BRCA1: variants seen among roughly 807,000 people sequenced by gnomAD.
BRCA1 encodes breast cancer type 1 susceptibility protein.
A neutral mutation model predicts 173.7 loss-of-function variants in BRCA1; 140 were observed. The ratio of observed to expected loss-of-function variants is 0.81; its 90% CI spans 0.70 to 0.93. The LOEUF (loss-of-function observed/expected upper bound fraction) is 0.93. Ranked by LOEUF, BRCA1 falls within the 40% of genes least tolerant of loss-of-function variation. The pLI is 0.00. For missense variants in BRCA1, 1,983 were observed against 2,172.5 expected, an observed-to-expected ratio of 0.91 and a Z score of 1.73; for synonymous variants, 662 against 756.0, an observed-to-expected ratio of 0.88 and a Z score of 2.04.
intron 6 of BRCA1, among the ~76,000 whole-genome samples, chr17:43,100,678 AAT>A (rs56679756): frequency 0.51 from 18,359 of 35,794 alleles, 4,966 homozygotes; most frequent in Middle Eastern, 0.68. Context: ...ATATATATAT[AAT>A]ATATATATAT....
intron 7 of BRCA1, among the ~76,000 whole-genome samples, chr17:43,098,101 T>C (rs944646650): frequency 6.7e-6 from 1 of 150,220 alleles, no homozygotes; most frequent in Non-Finnish European, 1.5e-5. Context: ...CATAGCTCAC[T>C]ACAGCCTCAA....
chr17:43,091,313 G>A (rs1472000905), intron 10 of BRCA1, 122 bp downstream of exon 10: 1 of 1,306,468 alleles, frequency 7.7e-7, no homozygotes, highest in Non-Finnish European at 1.1e-6. Context: ...CATGTTTCAA[G>A]TTTAAGAAGC....
At chr17:43,142,002 C>T (rs1027928647) in intron 1 of BRCA1, among the ~76,000 whole-genome samples, 4 of 151,888 alleles carry the variant, frequency 2.6e-5, no homozygotes, top group African/African-American at 9.7e-5. Flanking sequence ...ACCTCCGTCT[C>T]CTGGGTTCAA....
At chr17:43,125,639 T>C (rs1163025121), upstream of BRCA1, 1 of 242,810 alleles carries the variant, frequency 4.1e-6, no homozygotes, top group African/African-American at 2.3e-5. Flanking sequence ...GCCTCTACTC[T>C]TCCAGTTGCG....
chr17:43,112,218 T>C (rs866340837), intron 3 of BRCA1, among the ~76,000 whole-genome samples: 1 of 152,004 alleles, frequency 6.6e-6, no homozygotes, highest in Middle Eastern at 3.4e-3. Flanking sequence ...GCCTCCTGAG[T>C]AGCTGGGACT....
chr17:43,134,757 G>C (rs1392712694), intron 1 of BRCA1, among the ~76,000 whole-genome samples: 1 of 152,246 alleles, frequency 6.6e-6, no homozygotes, highest in Non-Finnish European at 1.5e-5. Context: ...CCTGGAGAGA[G>C]AATTACTGAA....
rs3785546 is a variant in BRCA1, at chr17:43,064,916, T to C, written c.5075-965A>G. Among the ~76,000 whole-genome samples the C allele has an allele frequency of 0.31, 46,359 of 149,944 alleles. 7,554 individuals are homozygous for C. The highest frequency in any genetic ancestry group is 0.5 in the South Asian group (2,339 of 4,710). On this transcript the variant is annotated intron_variant, in intron 16 of 22. Coordinates refer to ENST00000357654, the MANE Select transcript of BRCA1 (RefSeq NM_007294.4). ...CTGGATCTCAGCTCACGGCAAGCTC[T>C]GCCTCCTGGGTTCATGCCATTCTCC...
intron 11 of BRCA1, among the ~76,000 whole-genome samples, chr17:43,086,889 G>A (rs1219862644): frequency 6.6e-6 from 1 of 152,204 alleles, no homozygotes; most frequent in Non-Finnish European, 1.5e-5. Flanking sequence ...CTCAGATACA[G>A]AGTGGGGAGT....
chr17:43,120,980 C>G (rs1235341629), intron 2 of BRCA1, among the ~76,000 whole-genome samples: 1 of 150,906 alleles, frequency 6.6e-6, no homozygotes, highest in Non-Finnish European at 1.5e-5. Flanking sequence ...AGGAGAAGCG[C>G]TTGAACTTGA....
Position 43,076,576 on chromosome 17 carries a change from T to G in BRCA1, c.4396A>C (p.Ser1466Arg). 1 of 1,613,714 alleles carries G rather than the reference T, an allele frequency of 6.2e-7. No homozygotes were observed. The highest frequency in any genetic ancestry group is 1.7e-4 in the Middle Eastern group (1 of 6,058). ...GCAGAAAGGCCTTCTGGATTCTGGCTTATAGGGTATTCACTACTTTTCTGT... is the reference window on the plus strand; with the variant it reads ...GCAGAAAGGCCTTCTGGATTCTGGCGTATAGGGTATTCACTACTTTTCTGT... ...TSQKSSEYPISQNPEGLSADK... is the reference protein window; with the variant it reads ...TSQKSSEYPIRQNPEGLSADK... Residue 1466 changes from serine (S) to arginine (R), a missense_variant, in exon 13 of 23, where the codon AGC (serine) becomes CGC (arginine). Physicochemically the swap from Ser to Arg is moderately radical, Grantham distance 110. Transcript: ENST00000357654.
At chr17:43,068,363 G>T (rs1413252358) in intron 15 of BRCA1, among the ~76,000 whole-genome samples, 1 of 150,992 alleles carries the variant, frequency 6.6e-6, no homozygotes, top group Non-Finnish European at 1.5e-5. Context: ...TTACAACTAA[G>T]GATTCAAAAT....
rs80357635 is a variant in BRCA1 at position 43,092,301 on chromosome 17, CCT to C, written c.3228_3229del (p.Gly1077AlafsTer8). 6.2e-6 allele frequency: 10 copies of C among 1,613,730 alleles called. No homozygotes were observed. Among genetic ancestry groups the C allele is most frequent in the Admixed American group, 1.7e-5 (1 of 59,976 alleles). On this transcript the variant is annotated frameshift_variant, in exon 10 of 23. Coordinates refer to ENST00000357654, the MANE Select transcript of BRCA1 (RefSeq NM_007294.4). LOFTEE classifies it high-confidence loss of function. ...TCTAAGCATAGCATTCAATTTTGGCCCTCTGTTTCTACCTAGTTCTGCTTGAA... is the reference window on the plus strand; with the variant it reads ...TCTAAGCATAGCATTCAATTTTGGCCCTGTTTCTACCTAGTTCTGCTTGAA...
intron 6 of BRCA1, among the ~76,000 whole-genome samples, chr17:43,100,675 TATAA>T (rs1352225652): frequency 3.9e-4 from 6 of 15,550 alleles, no homozygotes; most frequent in Admixed American, 2.1e-3. Flanking sequence ...TATATATATA[TATAA>T]TATATATATA....
intron 8 of BRCA1, 84 bp from the exon 9 acceptor site, chr17:43,096,006 G>T: frequency 8.7e-7 from 1 of 1,149,372 alleles, no homozygotes; most frequent in Non-Finnish European, 1.3e-6. Context: ...AAACATTTTA[G>T]CTCTTTCGAT....
chr17:43,120,647 C>G (rs1189429673), intron 2 of BRCA1, among the ~76,000 whole-genome samples: 1 of 152,162 alleles, frequency 6.6e-6, no homozygotes, highest in Non-Finnish European at 1.5e-5. Flanking sequence ...CGCCTGTAGT[C>G]CCAGCTACTT....
chr17:43,117,591 T>A (rs1368394247), intron 2 of BRCA1, among the ~76,000 whole-genome samples: 1 of 151,846 alleles, frequency 6.6e-6, no homozygotes, highest in Admixed American at 6.6e-5. Context: ...ATACCAAAAC[T>A]AACTGGGCAT....
intron 16 of BRCA1, 86 bp downstream of exon 16, chr17:43,067,522 G>T: frequency 8.9e-7 from 1 of 1,126,490 alleles, no homozygotes; most frequent in Non-Finnish European, 1.3e-6. Flanking sequence ...CCAAAGTGCT[G>T]CGATTACAGG....
intron 1 of BRCA1, chr17:43,138,436 C>T (rs1237062187): frequency 5.1e-6 from 3 of 585,766 alleles, no homozygotes; most frequent in Non-Finnish European, 9.1e-6. Context: ...AATGACACCT[C>T]TCCAGGCCTC....
chr17:43,167,105 C>G (rs1294109749), intron 1 of BRCA1: 1 of 152,342 alleles, frequency 6.6e-6, no homozygotes, highest in African/African-American at 2.4e-5. Flanking sequence ...AATGCCTAAC[C>G]AGGAGCGCCC....
Sources: gnomAD v4.1 joint callset for allele counts (sites outside exome capture counted in the v4.1 genomes callset) on GRCh38, gnomAD v4.1.1 for gene constraint, MANE v1.5 for transcripts, NCBI Gene and HGNC (gene_info 2026-07-23, HGNC 2026-07-21) for gene names.